DACH2: variants seen among roughly 807,000 people sequenced by gnomAD.
DACH2 encodes dachshund homolog 2.
In DACH2, 17 loss-of-function variants were observed where a neutral mutation model predicts 35.8. The observed-to-expected ratio is 0.48, with a 90% confidence interval of 0.33 to 0.71. The LOEUF (loss-of-function observed/expected upper bound fraction) is 0.71, where lower values mean the gene tolerates loss of function less well. Ranked by LOEUF, DACH2 falls within the 30% of genes least tolerant of loss-of-function variation. The pLI, the probability that DACH2 is intolerant of heterozygous loss-of-function variation, is 0.02. For missense variants in DACH2, 469 were observed against 472.7 expected, an observed-to-expected ratio of 0.99 and a Z score of 0.07; for synonymous variants, 195 against 177.3, an observed-to-expected ratio of 1.10 and a Z score of -0.79.
At chrX:86,242,259 G>T (rs977375572) in intron 1 of DACH2, among the ~76,000 whole-genome samples, 2 of 112,443 alleles carry the variant, frequency 1.8e-5, no homozygotes, top group Non-Finnish European at 3.8e-5. Context: ...CAGGGGTGGG[G>T]CTTCCCAAGG....
intron 2 of DACH2, among the ~76,000 whole-genome samples, chrX:86,426,822 G>A (rs1020281518): frequency 2.7e-5 from 3 of 111,341 alleles, no homozygotes; most frequent in African/African-American, 9.8e-5. Context: ...TCACCAAGTG[G>A]AATTTAAAAA....
At chrX:86,796,170 G>A (rs2042236337) in intron 7 of DACH2, among the ~76,000 whole-genome samples, 1 of 111,471 alleles carries the variant, frequency 9.0e-6, no homozygotes, top group African/African-American at 3.3e-5. Flanking sequence ...ACAGAGTGCT[G>A]CTTGGTACGT....
chrX:86,487,965 T>G (rs765629090), intron 2 of DACH2, among the ~76,000 whole-genome samples: 1 of 111,386 alleles, frequency 9.0e-6, no homozygotes, highest in Non-Finnish European at 1.9e-5. Context: ...TCTGTGAGCC[T>G]TAGTTTTCTA....
chrX:86,822,677 G>C (rs1325815074), intron 11 of DACH2, among the ~76,000 whole-genome samples: 6 of 111,449 alleles, frequency 5.4e-5, no homozygotes, highest in Non-Finnish European at 1.1e-4. Context: ...TTGGGGTTCA[G>C]GGAAAGGGCA....
At chrX:86,218,518 A>G (rs1380366187) in intron 1 of DACH2, among the ~76,000 whole-genome samples, 1 of 111,887 alleles carries the variant, frequency 8.9e-6, no homozygotes, top group Non-Finnish European at 1.9e-5. Context: ...TATCAGCACT[A>G]TCGCATTTAT....
intron 1 of DACH2, among the ~76,000 whole-genome samples, chrX:86,312,384 C>A (rs1187652966): frequency 2.7e-5 from 3 of 111,383 alleles, no homozygotes; most frequent in African/African-American, 6.5e-5. Context: ...TATGACCTCA[C>A]TATTTTCTTT....
chrX:86,445,937 TGTAA>T (rs959324501), intron 2 of DACH2, among the ~76,000 whole-genome samples: 4 of 111,762 alleles, frequency 3.6e-5, no homozygotes, highest in Admixed American at 9.6e-5. Flanking sequence ...AGTCAGTTTC[TGTAA>T]GTGAGACGTT....
At chrX:86,615,276 C>T (rs1386177414) in intron 3 of DACH2, among the ~76,000 whole-genome samples, 1 of 111,554 alleles carries the variant, frequency 9.0e-6, no homozygotes, top group Non-Finnish European at 1.9e-5. Flanking sequence ...ATTATGGGTC[C>T]AACTACCTTG....
chrX:86,486,108 A>G (rs2038015473), intron 2 of DACH2, among the ~76,000 whole-genome samples: 1 of 110,647 alleles, frequency 9.0e-6, no homozygotes, highest in African/African-American at 3.3e-5. Context: ...GTCCCACCAT[A>G]CCCTCATTTT....
At chrX:86,185,945 CTG>C (rs1452754278) in intron 1 of DACH2, among the ~76,000 whole-genome samples, 2 of 112,163 alleles carry the variant, frequency 1.8e-5, no homozygotes, top group Admixed American at 1.9e-4. Context: ...TGCCCAGACA[CTG>C]TAGCTGGGAC....
At chrX:86,526,850 A>ATT (rs34284111) in intron 3 of DACH2, among the ~76,000 whole-genome samples, 22 of 104,277 alleles carry the variant, frequency 2.1e-4, no homozygotes, top group South Asian at 8.7e-4. Context: ...GACTTAATTT[A>ATT]TTTTTTTTTC....
intron 2 of DACH2, among the ~76,000 whole-genome samples, chrX:86,417,967 G>A (rs1012100546): frequency 2.7e-5 from 3 of 111,651 alleles, no homozygotes; most frequent in East Asian, 5.7e-4. Context: ...CATTCCAAAT[G>A]GGAGAAATTG....
In DACH2 at chrX:86,814,677, T is replaced by C; in HGVS notation, c.1538-11T>C. On this transcript the variant is annotated splice_polypyrimidine_tract_variant and intron_variant, in intron 9 of 11. Coordinates refer to ENST00000373125, the MANE Select transcript of DACH2 (RefSeq NM_053281.3). ...TGCTCAAGTCTTTGCAAACTACCTT[T>C]TACATTTCAGCTACTATGCAAAAGC... 8.3e-7 allele frequency: 1 copy of C among 1,209,507 alleles called. No individual in the cohort carries two copies. Among genetic ancestry groups the C allele is most frequent in the Non-Finnish European group, 1.1e-6 (1 of 894,304 alleles).
intron 4 of DACH2, among the ~76,000 whole-genome samples, chrX:86,681,176 G>A (rs2040877346): frequency 9.0e-6 from 1 of 111,605 alleles, no homozygotes; most frequent in African/African-American, 3.3e-5. Flanking sequence ...ACTTGAAAAG[G>A]ATGTGTTCTC....
At chrX:86,465,521 A>G (rs2037651075) in intron 2 of DACH2, among the ~76,000 whole-genome samples, 1 of 111,804 alleles carries the variant, frequency 8.9e-6, no homozygotes, top group Non-Finnish European at 1.9e-5. Context: ...AATTTTGACA[A>G]TCTGGAAAAG....
At chrX:86,533,053 A>T (rs959408962) in intron 3 of DACH2, among the ~76,000 whole-genome samples, 2 of 110,740 alleles carry the variant, frequency 1.8e-5, no homozygotes, top group South Asian at 3.8e-4. Flanking sequence ...TTATTTATTT[A>T]TTTTTTAATT....
chrX:86,767,647 T>TATC (rs2041948195), intron 7 of DACH2, among the ~76,000 whole-genome samples: 1 of 112,254 alleles, frequency 8.9e-6, no homozygotes, highest in African/African-American at 3.2e-5. Flanking sequence ...TATCTCAGCA[T>TATC]ATCTCAGTTG....
At chrX:86,768,667 AT>A (rs1242049665) in intron 7 of DACH2, among the ~76,000 whole-genome samples, 1 of 110,915 alleles carries the variant, frequency 9.0e-6, no homozygotes, top group African/African-American at 3.3e-5. Flanking sequence ...TTTATTTTAG[AT>A]TTGGGAAGCA....
At position 86,532,158 on chromosome X, in the gene DACH2, G is replaced by A. The variant is rs189385767; in HGVS notation, c.640+17767G>A. Among the ~76,000 whole-genome samples the A allele has an allele frequency of 9.8e-5, 11 of 112,348 alleles. No individual in the cohort carries two copies. The East Asian group carries it at 2.5e-3, about 26-fold the overall frequency. On this transcript the variant is annotated intron_variant, in intron 3 of 11. Transcript: ENST00000373125. ...TTGTTTTGATTTTACAGGCTTATAGGTGAAAGGGACTTGCCTTGTCTGAGA... is the reference window on the plus strand; with the variant it reads ...TTGTTTTGATTTTACAGGCTTATAGATGAAAGGGACTTGCCTTGTCTGAGA...
Sources: gnomAD v4.1 joint callset for allele counts (sites outside exome capture counted in the v4.1 genomes callset) on GRCh38, gnomAD v4.1.1 for gene constraint, MANE v1.5 for transcripts, NCBI Gene and HGNC (gene_info 2026-07-23, HGNC 2026-07-21) for gene names.